Variants in VCL observed in about 807,000 individuals in gnomAD.
VCL encodes epididymis luminal protein 114.
Under a neutral mutation model 125.7 loss-of-function variants are expected in VCL, and 47 were observed. The observed-to-expected ratio is 0.37, with a 90% CI of 0.30 to 0.48. The LOEUF is 0.48. Among genes scored for constraint, VCL ranks in the 20% least tolerant of loss-of-function variants. The pLI, the probability that VCL is intolerant of heterozygous loss-of-function variation, is 0.99. For missense variants in VCL, 1,069 were observed against 1,455.5 expected (o/e 0.73, Z 4.32); for synonymous variants, 458 against 514.6 (o/e 0.89, Z 1.49).
At chr10:74,032,125 G>A (rs984055755) in intron 1 of VCL, among the ~76,000 whole-genome samples, 1 of 135,182 alleles carries the variant, frequency 7.4e-6, no homozygotes, top group South Asian at 2.4e-4. Context: ...TGTACTTCCA[G>A]CTACTCAGGG....
chr10:74,080,545 A>G (rs755562885), intron 6 of VCL, among the ~76,000 whole-genome samples: 9 of 152,250 alleles, frequency 5.9e-5, no homozygotes, highest in Non-Finnish European at 1.5e-5. Flanking sequence ...TTTCCTAACT[A>G]GTAGCCTTTA....
At chr10:74,045,735 C>T (rs1490128160) in intron 2 of VCL, among the ~76,000 whole-genome samples, 1 of 151,816 alleles carries the variant, frequency 6.6e-6, no homozygotes, top group Non-Finnish European at 1.5e-5. Context: ...GTCACCACAG[C>T]CAGGGTAGTC....
intron 2 of VCL, among the ~76,000 whole-genome samples, chr10:74,065,521 C>T (rs949924393): frequency 5.9e-5 from 9 of 151,794 alleles, no homozygotes; most frequent in African/African-American, 1.2e-4. Context: ...AACACTCCAT[C>T]GCTACAAAAA....
intron 2 of VCL, among the ~76,000 whole-genome samples, chr10:74,056,437 C>G (rs572391459): frequency 3.3e-5 from 5 of 152,036 alleles, no homozygotes; most frequent in Non-Finnish European, 7.4e-5. Context: ...CCTGTACTAT[C>G]ACTGTTTGGC....
rs1316326616 is a variant in VCL at position 74,097,903 on chromosome 10, G to GA, written c.1872+576dup. 6.6e-6 allele frequency among the ~76,000 whole-genome samples: 1 copy of GA among 152,128 alleles called. No homozygotes were observed. The highest frequency in any genetic ancestry group is 2.4e-5 in the African/African-American group (1 of 41,428). On this transcript the variant is annotated intron_variant, in intron 13 of 21. Coordinates refer to ENST00000211998, the MANE Select transcript of VCL (RefSeq NM_014000.3). The surrounding 1 kb of genome is among the most constrained non-coding windows in gnomAD (Gnocchi z 4.1). ...TGGTAAGCCAACTCTCCAGGAAAACGAAAAACCTTGATTTGTAATGTTTGT... is the reference window on the plus strand; with the variant it reads ...TGGTAAGCCAACTCTCCAGGAAAACGAAAAAACCTTGATTTGTAATGTTTGT...
At chr10:74,077,639 C>A in intron 6 of VCL, 1 of 440,000 alleles carries the variant, frequency 2.3e-6, no homozygotes, top group South Asian at 1.6e-5. Flanking sequence ...CTCTTCTCGC[C>A]CCTACCAATA....
intron 2 of VCL, among the ~76,000 whole-genome samples, chr10:74,066,251 G>A (rs1272957172): frequency 6.6e-6 from 1 of 151,776 alleles, no homozygotes; most frequent in Non-Finnish European, 1.5e-5. Flanking sequence ...TACAGACAGG[G>A]TTTCTCCATG....
chr10:74,075,106 T>C, intron 6 of VCL: 1 of 635,738 alleles, frequency 1.6e-6, no homozygotes, highest in African/African-American at 1.8e-5. Flanking sequence ...GTAGAACAAG[T>C]AAATAGGCAT....
Position 74,066,047 on chromosome 10 carries a change from GTA to G in VCL, c.240-4609_240-4608del, listed in dbSNP as rs143197525. On this transcript the variant is annotated intron_variant, in intron 2 of 21. Coordinates refer to ENST00000211998, the MANE Select transcript of VCL (RefSeq NM_014000.3). ...AGGTAGAATGGGTAAATCAATTTTG[GTA>G]TATATATATATATTTTTTTTTTTTT... 1.8e-4 allele frequency among the ~76,000 whole-genome samples: 24 copies of G among 133,250 alleles called. 1 individual carries two copies. Among genetic ancestry groups the G allele is most frequent in the South Asian group, 7.0e-4 (3 of 4,300 alleles). The allele number at this position is 133,250 out of a possible 152,430, so 87.4% of individuals were successfully genotyped here.
rs1839711705 is a variant in VCL at position 74,083,475 on chromosome 10, A to G, written c.984A>G (p.Leu328=). ...AGATTCTGGGAACTTGCAAAATGCT[A>G]GGGCAGATGACTGATCAAGTGGCTG... is the stretch of plus-strand genomic sequence containing the variant. ...RREILGTCKM[L]GQMTDQVADL... The change falls in exon 8 of 22, where the codon CTA becomes CTG. Residue 328 remains leucine (L), a synonymous_variant. Transcript: ENST00000211998. The G allele has an allele frequency of 6.2e-7, 1 of 1,614,148 alleles. No homozygotes were observed. Among genetic ancestry groups the G allele is most frequent in the Non-Finnish European group, 8.5e-7 (1 of 1,179,994 alleles).
At chr10:74,073,403 G>A (rs74146316) in intron 5 of VCL, among the ~76,000 whole-genome samples, 9,599 of 152,224 alleles carry the variant, frequency 0.063, 1,047 homozygotes, top group African/African-American at 0.22. Context: ...TTGCCTTTCT[G>A]TGGCCTAATT....
chr10:74,111,626 T>C (rs1370824541), intron 18 of VCL, among the ~76,000 whole-genome samples: 1 of 152,210 alleles, frequency 6.6e-6, no homozygotes, highest in East Asian at 1.9e-4. Flanking sequence ...ATTAAAGAAA[T>C]GGATGCCACT....
chr10:74,094,521 G>A, intron 11 of VCL, 60 bp downstream of exon 11: 1 of 1,562,048 alleles, frequency 6.4e-7, no homozygotes, highest in Non-Finnish European at 8.7e-7. Context: ...TAAGCAAGTT[G>A]TTGATAGGGG....
At chr10:74,049,612 T>C (rs1841262204) in intron 2 of VCL, among the ~76,000 whole-genome samples, 1 of 152,040 alleles carries the variant, frequency 6.6e-6, no homozygotes, top group Non-Finnish European at 1.5e-5. Context: ...GACCAAGTCA[T>C]GAGGGCCTGT....
chr10:74,035,184 A>G (rs1047091129), intron 1 of VCL, among the ~76,000 whole-genome samples: 10 of 151,938 alleles, frequency 6.6e-5, no homozygotes, highest in African/African-American at 2.4e-4. Flanking sequence ...TAGTCTAGCT[A>G]AGGGAGACAT....
At chr10:74,039,035 C>T (rs750419631) in intron 1 of VCL, among the ~76,000 whole-genome samples, 3 of 152,124 alleles carry the variant, frequency 2.0e-5, no homozygotes, top group Non-Finnish European at 4.4e-5. Context: ...CCTCAGCCTC[C>T]GGAGTAGCTG....
chr10:74,076,449 C>T (rs543493320), intron 6 of VCL: 1 of 152,720 alleles, frequency 6.5e-6, no homozygotes, highest in East Asian at 1.9e-4. Flanking sequence ...GCAGGATTCC[C>T]CAGGTAGCTG....
In VCL at chr10:74,097,266, C is replaced by T; in HGVS notation, c.1806C>T (p.Thr602=). The change falls in exon 13 of 22, where the codon ACC becomes ACT. Residue 602 remains threonine, a synonymous_variant. Transcript: ENST00000211998. The surrounding 1 kb of genome is among the most constrained non-coding windows in gnomAD (Gnocchi z 4.1). ...TQEVSDVFSD[T]TTPIKLLAVA... is the part of the protein sequence containing the mutation. Reference sequence around the variant, plus strand: ...AAGTGTCAGATGTTTTCAGCGATACCACAACTCCCATCAAGCTGTTGGCAG... The same window carrying T: ...AAGTGTCAGATGTTTTCAGCGATACTACAACTCCCATCAAGCTGTTGGCAG... The T allele has an allele frequency of 6.2e-7, 1 of 1,614,062 alleles. No individual in the cohort carries two copies. Among genetic ancestry groups the T allele is most frequent in the Non-Finnish European group, 8.5e-7 (1 of 1,179,974 alleles).
intron 1 of VCL, among the ~76,000 whole-genome samples, chr10:74,020,304 A>G (rs547995845): frequency 6.6e-6 from 1 of 152,302 alleles, no homozygotes; most frequent in South Asian, 2.1e-4. Context: ...GATTTTATTG[A>G]AGCTGAATAT....
Sources: allele counts gnomAD v4.1 joint callset (sites outside exome capture counted in the v4.1 genomes callset), GRCh38; gene constraint gnomAD v4.1.1; non-coding constraint Gnocchi (gnomAD v3.1); transcripts MANE v1.5; gene names NCBI Gene and HGNC (gene_info 2026-07-23, HGNC 2026-07-21).